Variants in TAB2 observed in about 807,000 individuals in gnomAD.
TAB2 encodes TGF-beta-activated kinase 1 and MAP3K7-binding protein 2.
TAB2 carries 3 observed loss-of-function variants against 65.0 expected under a neutral mutation model. The observed-to-expected ratio is 0.05, with a 90% CI of 0.02 to 0.12. The LOEUF (loss-of-function observed/expected upper bound fraction) is 0.12. Ranked by LOEUF, TAB2 falls within the 10% of genes least tolerant of loss-of-function variation. The pLI is 1.00. For missense variants in TAB2, 623 were observed against 840.3 expected, an observed-to-expected ratio of 0.74 and a Z score of 3.20; for synonymous variants, 298 against 285.1, an observed-to-expected ratio of 1.05 and a Z score of -0.46.
intron 1 of TAB2, among the ~76,000 whole-genome samples, chr6:149,336,385 G>A (rs1037391308): frequency 6.6e-6 from 1 of 152,052 alleles, no homozygotes; most frequent in Non-Finnish European, 1.5e-5. Context: ...TCTGGTACTC[G>A]AAGTTGCCAA....
intron 2 of TAB2, among the ~76,000 whole-genome samples, chr6:149,374,712 A>G (rs1056444787): frequency 1.3e-5 from 2 of 152,220 alleles, no homozygotes; most frequent in African/African-American, 4.8e-5. Context: ...GTATGATTTG[A>G]CAGTGGATGT....
intron 1 of TAB2, among the ~76,000 whole-genome samples, chr6:149,353,760 A>G (rs1412623018): frequency 6.6e-6 from 1 of 152,246 alleles, no homozygotes; most frequent in African/African-American, 2.4e-5. Flanking sequence ...GCTAAATAGT[A>G]ATATATTGAC....
At position 149,253,396 on chromosome 6, in the gene TAB2, G is replaced by A. The variant is rs180915313; in HGVS notation, c.-121+34620G>A. 3.0e-3 allele frequency among the ~76,000 whole-genome samples: 460 copies of A among 152,138 alleles called. 5 individuals carry two copies. The highest frequency in any genetic ancestry group is 0.011 in the African/African-American group (444 of 41,496). ...AGCACTTTGGGAGACCAAGACGGGC[G>A]GATCACTTGAGGTCAGGAGTTTGAG... On this transcript the variant is annotated intron_variant, in intron 1 of 1. Coordinates refer to the TAB2 transcript ENST00000606202.
chr6:149,339,702 G>A (rs1305117401), intron 1 of TAB2, among the ~76,000 whole-genome samples: 6 of 150,584 alleles, frequency 4.0e-5, no homozygotes, highest in Non-Finnish European at 7.4e-5. Flanking sequence ...AGGTTCAAGC[G>A]ATTCTCCTAC....
rs542212307 is a variant in TAB2 at position 149,312,472 on chromosome 6, C to T, written c.-120-65546C>T. Among the ~76,000 whole-genome samples the T allele has an allele frequency of 1.2e-4, 19 of 152,322 alleles. No homozygotes were observed. In the South Asian group the frequency reaches 3.1e-3, roughly 25 times the overall value. The stretch of plus-strand genomic sequence containing the variant: ...CAGCCTCCCGGGTTCAAGCCATTCT[C>T]ATGCCTCAGCCTCCTGAGTAGCTGG... On this transcript the variant is annotated intron_variant, in intron 1 of 1. Transcript: ENST00000606202.
At chr6:149,373,720 T>C (rs1383473502) in intron 2 of TAB2, among the ~76,000 whole-genome samples, 2 of 152,238 alleles carry the variant, frequency 1.3e-5, no homozygotes, top group Non-Finnish European at 2.9e-5. Context: ...GATTTGTGGC[T>C]GTATACCAAA....
chr6:149,323,653 G>T (rs1172131023), intron 1 of TAB2, among the ~76,000 whole-genome samples: 2 of 152,084 alleles, frequency 1.3e-5, no homozygotes, highest in African/African-American at 4.8e-5. Context: ...TTCCTGTTCT[G>T]CTGTAAGTTA....
chr6:149,378,766 A>G lies in TAB2; in HGVS notation c.851A>G (p.Tyr284Cys), dbSNP rs369055635. ...NQQGHQTSHV[Y>C]MPISSPTTSQ... ...CAAGGCCACCAGACCTCTCATGTCT[A>G]CATGCCAATCAGTTCACCTACTACT... The change falls in exon 3 of 7, where the codon TAC becomes TGC. Residue 284 changes from tyrosine to cysteine, a missense_variant. Physicochemically the swap from Tyr to Cys is radical, Grantham distance 194. Around this residue, in one of 3 missense-constraint regions of TAB2, gnomAD observed 550 missense variants for 665.7 expected, o/e 0.83. Transcript: ENST00000637181. 1 of 1,614,058 alleles carries G rather than the reference A, an allele frequency of 6.2e-7. No individual in the cohort carries two copies. Among genetic ancestry groups the G allele is most frequent in the Non-Finnish European group, 8.5e-7 (1 of 1,180,034 alleles).
At chr6:149,330,312 T>TCCCATA (rs1340708109) in intron 1 of TAB2, among the ~76,000 whole-genome samples, 1 of 152,228 alleles carries the variant, frequency 6.6e-6, no homozygotes, top group Non-Finnish European at 1.5e-5. Flanking sequence ...TAGGATAAAT[T>TCCCATA]CCCAAGAGTG....
intron 1 of TAB2, among the ~76,000 whole-genome samples, chr6:149,277,628 T>C (rs916690847): frequency 6.6e-6 from 1 of 152,124 alleles, no homozygotes; most frequent in African/African-American, 2.4e-5. Flanking sequence ...TTATACCTTT[T>C]GATATTAGAA....
At chr6:149,309,587 C>G (rs572391721) in intron 1 of TAB2, among the ~76,000 whole-genome samples, 5 of 151,736 alleles carry the variant, frequency 3.3e-5, no homozygotes, top group Admixed American at 6.6e-5. Context: ...TTAGTAGAGA[C>G]GGGGTTTCAC....
At chr6:149,246,243 C>T (rs1005162265) in intron 1 of TAB2, 1 of 152,184 alleles carries the variant, frequency 6.6e-6, no homozygotes, top group African/African-American at 2.4e-5. Context: ...ACCAAAGGCC[C>T]ACTTCTACCT....
At chr6:149,238,428 C>T (rs558023067) in intron 1 of TAB2, among the ~76,000 whole-genome samples, 31 of 152,204 alleles carry the variant, frequency 2.0e-4, no homozygotes, top group African/African-American at 7.2e-4. Flanking sequence ...GGTTCCAAAT[C>T]GGGGTACATC....
chr6:149,373,752 TAA>T (rs991474312), intron 2 of TAB2, among the ~76,000 whole-genome samples: 1 of 152,218 alleles, frequency 6.6e-6, no homozygotes, highest in Admixed American at 6.5e-5. Flanking sequence ...TTCCACCTTC[TAA>T]AAACTCATAT....
At chr6:149,230,865 A>G (rs961975904) in intron 1 of TAB2, among the ~76,000 whole-genome samples, 1 of 152,232 alleles carries the variant, frequency 6.6e-6, no homozygotes. Flanking sequence ...GTATTTTTCT[A>G]TGGTCAGGCT....
chr6:149,333,532 T>C (rs1779842066), intron 1 of TAB2, among the ~76,000 whole-genome samples: 1 of 152,164 alleles, frequency 6.6e-6, no homozygotes, highest in Non-Finnish European at 1.5e-5. Context: ...TTCTGCCCAT[T>C]TTCAGGTAGA....
Position 149,409,431 on chromosome 6 carries a change from G to C in TAB2, c.1940-146G>C, listed in dbSNP as rs192797033. The C allele has an allele frequency of 3.7e-3, 2,611 of 699,176 alleles. 11 individuals are homozygous for C. Among genetic ancestry groups the C allele is most frequent in the Non-Finnish European group, 5.4e-3 (2,167 of 402,644 alleles). The allele number at this position is 699,176 out of a possible 1,614,324, so 43.3% of individuals were successfully genotyped here. On this transcript the variant is annotated intron_variant, in intron 6 of 6. Coordinates refer to ENST00000637181, the MANE Select transcript of TAB2 (RefSeq NM_001292034.3). ...AACTAGATAGAGGTTGGTAGTGATC[G>C]AGCATGTGTGTCAGTGTCAGCTAGA...
chr6:149,379,988 C>T (rs1781556474), intron 3 of TAB2: 1 of 450,074 alleles, frequency 2.2e-6, no homozygotes, highest in Non-Finnish European at 4.5e-6. Context: ...GCCTGTAATT[C>T]CAGTGCTTTG....
At chr6:149,403,689 T>C (rs1221418543) in intron 6 of TAB2, among the ~76,000 whole-genome samples, 1 of 151,990 alleles carries the variant, frequency 6.6e-6, no homozygotes, top group Non-Finnish European at 1.5e-5. Flanking sequence ...ATCTGCTTAG[T>C]TTCTGGAGAG....
Sources: gnomAD v4.1 joint callset for allele counts (sites outside exome capture counted in the v4.1 genomes callset) on GRCh38, gnomAD v4.1.1 for gene constraint, gnomAD v4.1.1 regional missense constraint, MANE v1.5 for transcripts, NCBI Gene and HGNC (gene_info 2026-07-23, HGNC 2026-07-21) for gene names.